Variants in ANKHD1 observed in about 807,000 individuals in gnomAD.
ANKHD1 encodes the protein ankyrin repeat and KH domain containing 1.
A neutral mutation model predicts 230.5 loss-of-function variants in ANKHD1; 31 were observed. The ratio of observed to expected loss-of-function variants is 0.13; its 90% CI spans 0.10 to 0.18. The LOEUF (loss-of-function observed/expected upper bound fraction) is 0.18. Among genes scored for constraint, ANKHD1 ranks in the 10% least tolerant of loss-of-function variants. The pLI is 1.00. For missense variants in ANKHD1, 2,256 were observed against 3,071.3 expected (o/e 0.73, Z 6.27); for synonymous variants, 1,074 against 1,117.6 (o/e 0.96, Z 0.78).
chr5:140,485,039 A>T lies in ANKHD1; in HGVS notation c.1871-82A>T. The T allele has an allele frequency of 6.7e-7, 1 of 1,499,362 alleles. No homozygotes were observed. 92.9% of individuals were successfully genotyped at this position (1,499,362 alleles called of 1,614,324 possible). ...TTTTTTTGTATCTACATTATACTTC[A>T]CAAAAAATTTTTAAATGATATTGAC... On this transcript the variant is annotated intron_variant, in intron 11 of 33. Transcript: ENST00000360839. This position sits in a 1 kb window ranked among gnomAD's most constrained non-coding sequence, Gnocchi z 4.8.
intron 15 of ANKHD1, among the ~76,000 whole-genome samples, chr5:140,500,061 G>GT (rs1264863698): frequency 6.6e-6 from 1 of 151,890 alleles, no homozygotes; most frequent in African/African-American, 2.4e-5. Flanking sequence ...TAGAGATGGG[G>GT]TTTTACCATG....
At chr5:140,433,054 T>TCC (rs1278438143) in intron 1 of ANKHD1, among the ~76,000 whole-genome samples, 27 of 133,146 alleles carry the variant, frequency 2.0e-4, no homozygotes, top group South Asian at 8.1e-4. Context: ...CCCACCCCCT[T>TCC]CCCCCCCCCA....
chr5:140,448,800 G>T (rs1195332064), intron 6 of ANKHD1, among the ~76,000 whole-genome samples: 1 of 152,090 alleles, frequency 6.6e-6, no homozygotes, highest in African/African-American at 2.4e-5. Flanking sequence ...ATTTTAAATG[G>T]AGTTTTCTGT....
At chr5:140,526,881 A>G (rs1753631033) in intron 26 of ANKHD1, 47 bp from the exon 27 acceptor site, 3 of 1,571,656 alleles carry the variant, frequency 1.9e-6, no homozygotes, top group Non-Finnish European at 1.7e-6. Flanking sequence ...TTGAGTTTCT[A>G]TCTTAAAACT....
rs755022117 is a variant in ANKHD1 at position 140,528,830 on chromosome 5, T to C, written c.5884T>C (p.Leu1962=). 4.3e-5 allele frequency: 69 copies of C among 1,613,962 alleles called. No homozygotes were observed. In the East Asian group the frequency reaches 1.5e-3, roughly 35 times the overall value. ...GACTCCTTCATCAGTCAGAAAGCAG[T>C]TGTTTGCCTGTGTGCCTAAGACAAG... ...TRTPSSVRKQ[L]FACVPKTSPP... is the part of the protein sequence containing the mutation. The change falls in exon 29 of 34, where the codon TTG becomes CTG. Residue 1962 remains leucine, a synonymous_variant. Coordinates refer to ENST00000360839, the MANE Select transcript of ANKHD1 (RefSeq NM_017747.3).
intron 28 of ANKHD1, 21 bp downstream of exon 28, chr5:140,528,043 C>T: frequency 6.2e-7 from 1 of 1,610,294 alleles, no homozygotes; most frequent in African/African-American, 1.3e-5. Context: ...AAAATGTATA[C>T]TGCTAGTTCT....
intron 1 of ANKHD1, among the ~76,000 whole-genome samples, chr5:140,413,167 G>A (rs116560664): frequency 3.3e-5 from 5 of 152,262 alleles, no homozygotes; most frequent in East Asian, 1.9e-4. Context: ...AGTTGCCAAG[G>A]TAAGTTTGAT....
chr5:140,504,702 T>A, intron 15 of ANKHD1, 119 bp from the exon 16 acceptor site: 1 of 1,330,362 alleles, frequency 7.5e-7, no homozygotes, highest in South Asian at 1.6e-5. Flanking sequence ...ATTCCAAAGC[T>A]TGTGATTTTA....
At chr5:140,468,253 G>T in intron 10 of ANKHD1, among the ~76,000 whole-genome samples, 1 of 144,478 alleles carries the variant, frequency 6.9e-6, no homozygotes. Context: ...GACAGGGCAA[G>T]ACTCCGTCTC....
chr5:140,461,332 A>G (rs1775687871), intron 9 of ANKHD1, among the ~76,000 whole-genome samples: 1 of 152,140 alleles, frequency 6.6e-6, no homozygotes, highest in Non-Finnish European at 1.5e-5. Flanking sequence ...TGCTTATTTG[A>G]AGTATGTAGC....
chr5:140,511,045 C>G (rs1247871255), intron 22 of ANKHD1, among the ~76,000 whole-genome samples: 3 of 152,170 alleles, frequency 2.0e-5, no homozygotes, highest in Non-Finnish European at 4.4e-5. Context: ...AGGCTGGTCT[C>G]AAACTCCTGG....
intron 29 of ANKHD1, among the ~76,000 whole-genome samples, chr5:140,534,726 A>G (rs1480079678): frequency 6.6e-6 from 1 of 152,222 alleles, no homozygotes; most frequent in African/African-American, 2.4e-5. Context: ...CCAGACCTTC[A>G]TCCTCTTTTC....
chr5:140,411,457 C>T (rs1248856158), intron 1 of ANKHD1, among the ~76,000 whole-genome samples: 1 of 148,184 alleles, frequency 6.7e-6, no homozygotes, highest in African/African-American at 2.5e-5. Flanking sequence ...CTCTTTCAAA[C>T]TATTATAGTT....
At chr5:140,428,675 G>A (rs1561706544) in intron 1 of ANKHD1, among the ~76,000 whole-genome samples, 1 of 152,200 alleles carries the variant, frequency 6.6e-6, no homozygotes, top group African/African-American at 2.4e-5. Context: ...GCGAGGGCGA[G>A]GGCGAGGTCC....
In ANKHD1 at chr5:140,402,214, G is replaced by A; in HGVS notation, c.247G>A (p.Val83Met). ...GCTGGATTTCAAGTTGGCGGCTGCC[G>A]TGCTGAGGACCGGGGGTGGAGGTGG... The part of the protein sequence containing the change: ...AALDFKLAAA[V>M]LRTGGGGGAS... Residue 83 changes from valine (V) to methionine (M), a missense_variant, in exon 1 of 34, where the codon GTG (valine) becomes ATG (methionine). Transcript: ENST00000360839. 3 of 1,524,610 alleles carry A rather than the reference G, an allele frequency of 2.0e-6. No homozygotes were observed. The highest frequency in any genetic ancestry group is 2.5e-5 in the East Asian group (1 of 39,604). The allele number at this position is 1,524,610 out of a possible 1,614,324, so 94.4% of individuals were successfully genotyped here.
Position 140,503,553 on chromosome 5 carries a change from C to CTTTTTTTTTTTTTTTTT in ANKHD1, c.3005-1252_3005-1236dup, listed in dbSNP as rs70988767. On this transcript the variant is annotated intron_variant, in intron 15 of 33. Transcript: ENST00000360839. ...AATTTCTTTTAACTCAGTTTTCTTT[C>CTTTTTTTTTTTTTTTTT]TTTTTTTTTTTTTTTTTTTTTTTTT... is the stretch of plus-strand genomic sequence containing the variant. Among the ~76,000 whole-genome samples the CTTTTTTTTTTTTTTTTT allele has an allele frequency of 5.3e-4, 27 of 51,414 alleles. 3 individuals carry two copies. The highest frequency in any genetic ancestry group is 6.1e-4 in the East Asian group (1 of 1,638). The allele number at this position is 51,414 out of a possible 152,430, so 33.7% of individuals were successfully genotyped here. A position where few individuals can be genotyped will look rare whatever the true frequency, so the allele number is the denominator to read the frequency against.
chr5:140,445,605 T>C (rs996489961), intron 5 of ANKHD1, 137 bp from the exon 6 acceptor site: 4 of 818,430 alleles, frequency 4.9e-6, no homozygotes, highest in Non-Finnish European at 4.9e-6. Flanking sequence ...ATTGAAGAGG[T>C]ATACCTAGAG....
intron 20 of ANKHD1, 30 bp from the exon 21 acceptor site, chr5:140,509,607 C>CT (rs750650953): frequency 6.8e-6 from 10 of 1,474,794 alleles, no homozygotes; most frequent in Non-Finnish European, 9.0e-6. Flanking sequence ...AGAAATGTAA[C>CT]TTAGTTGCAT....
intron 9 of ANKHD1, 95 bp from the exon 10 acceptor site, chr5:140,464,572 A>G (rs1561764347): frequency 9.3e-7 from 1 of 1,073,188 alleles, no homozygotes. Flanking sequence ...ATATTTTCAC[A>G]TTTTGAATTC....
Sources: gnomAD v4.1 joint callset for allele counts (sites outside exome capture counted in the v4.1 genomes callset) on GRCh38, gnomAD v4.1.1 for gene constraint, Gnocchi (gnomAD v3.1) non-coding constraint, MANE v1.5 for transcripts, NCBI Gene and HGNC (gene_info 2026-07-23, HGNC 2026-07-21) for gene names.